The following AGBL4 variants were observed in gnomAD, a reference collection of about 807,000 sequenced individuals.
The protein encoded by AGBL4 is cytosolic carboxypeptidase 6.
Under a neutral mutation model 66.4 loss-of-function variants are expected in AGBL4, and 58 were observed. The ratio of observed to expected loss-of-function variants is 0.87; its 90% confidence interval spans 0.71 to 1.09. AGBL4 has a LOEUF of 1.09. Among genes scored for constraint, AGBL4 ranks in the 50% least tolerant of loss-of-function variants. AGBL4 has a pLI of 0.00. For synonymous variants in AGBL4, 234 were observed against 222.9 expected (o/e 1.05, Z -0.44); for missense variants, 579 against 631.0 (o/e 0.92, Z 0.88).
intron 11 of AGBL4, among the ~76,000 whole-genome samples, chr1:48,555,687 G>T (rs1425823485): frequency 6.6e-6 from 1 of 152,194 alleles, no homozygotes; most frequent in African/African-American, 2.4e-5. Flanking sequence ...TTCTCCTGTG[G>T]CCCTGGTGAA....
At chr1:49,518,316 G>A (rs1039450541) in intron 3 of AGBL4, among the ~76,000 whole-genome samples, 8 of 151,966 alleles carry the variant, frequency 5.3e-5, no homozygotes, top group African/African-American at 9.7e-5. Context: ...TCCCATGGGC[G>A]GTTTCTCCTC....
intron 2 of AGBL4, among the ~76,000 whole-genome samples, chr1:49,741,174 A>T (rs1291181333): frequency 6.6e-6 from 1 of 152,210 alleles, no homozygotes; most frequent in Non-Finnish European, 1.5e-5. Flanking sequence ...AAAGAAGAAA[A>T]GAGAGAAGAA....
chr1:49,456,341 G>C (rs1646388263), intron 3 of AGBL4, among the ~76,000 whole-genome samples: 1 of 151,662 alleles, frequency 6.6e-6, no homozygotes, highest in East Asian at 1.9e-4. Flanking sequence ...CAGGATTTTA[G>C]ACCATGAATC....
In AGBL4 at chr1:48,629,627, A is replaced by C. The variant is rs549154733; in HGVS notation, c.951+4866T>G. Among the ~76,000 whole-genome samples, 3 of 152,228 alleles carry C rather than the reference A, an allele frequency of 2.0e-5. No homozygotes were observed. In the East Asian group the frequency reaches 5.8e-4, roughly 29 times the overall value. On this transcript the variant is annotated intron_variant, in intron 9 of 13. Coordinates refer to ENST00000371839, the MANE Select transcript of AGBL4 (RefSeq NM_032785.4). ...GAACCCTTGATGGCCATAGAGAGCT[A>C]ATTTCAGTGGGGGGTAAAATGGGGT...
At chr1:48,624,541 T>C (rs1008423359) in intron 9 of AGBL4, among the ~76,000 whole-genome samples, 1 of 152,236 alleles carries the variant, frequency 6.6e-6, no homozygotes, top group Non-Finnish European at 1.5e-5. Context: ...TACCCAGCTC[T>C]GTGGGATGCC....
chr1:49,379,856 T>C (rs933785421), intron 3 of AGBL4, among the ~76,000 whole-genome samples: 6 of 152,062 alleles, frequency 3.9e-5, no homozygotes, highest in African/African-American at 1.2e-4. Context: ...TGGTTGTGTC[T>C]CTGCCCGGCT....
intron 5 of AGBL4, among the ~76,000 whole-genome samples, chr1:48,950,818 A>AT (rs755746826): frequency 5.8e-4 from 88 of 152,152 alleles, no homozygotes; most frequent in Non-Finnish European, 9.4e-4. Flanking sequence ...TGTTGCTTTT[A>AT]TATTGCTTTT....
chr1:48,743,999 G>A (rs1266396858), intron 6 of AGBL4, among the ~76,000 whole-genome samples: 1 of 152,232 alleles, frequency 6.6e-6, no homozygotes, highest in Non-Finnish European at 1.5e-5. Flanking sequence ...TGGTTGGGGA[G>A]CAGAACAGTG....
At chr1:49,148,094 T>C (rs977385621) in intron 4 of AGBL4, among the ~76,000 whole-genome samples, 12 of 152,210 alleles carry the variant, frequency 7.9e-5, no homozygotes, top group African/African-American at 2.7e-4. Context: ...TCTCTGAGCC[T>C]TGATTTCTTC....
chr1:48,710,361 A>G (rs320053), intron 6 of AGBL4, among the ~76,000 whole-genome samples: 139,292 of 152,222 alleles, frequency 0.92, 64,965 homozygotes, highest in Non-Finnish European at 1. Flanking sequence ...TAACTTTCCC[A>G]GCTGAGAAAG....
intron 4 of AGBL4, among the ~76,000 whole-genome samples, chr1:49,128,675 A>C (rs925040421): frequency 1.3e-5 from 2 of 152,094 alleles, no homozygotes; most frequent in African/African-American, 4.8e-5. Context: ...GGAAAAAATA[A>C]ACCTGGACAA....
intron 4 of AGBL4, among the ~76,000 whole-genome samples, chr1:49,241,674 C>A (rs555097418): frequency 6.6e-6 from 1 of 151,940 alleles, no homozygotes; most frequent in East Asian, 1.9e-4. Context: ...TTTAACTACT[C>A]AGTAAGCATT....
At chr1:49,296,985 T>C (rs1644655941) in intron 3 of AGBL4, among the ~76,000 whole-genome samples, 1 of 152,186 alleles carries the variant, frequency 6.6e-6, no homozygotes, top group Non-Finnish European at 1.5e-5. Flanking sequence ...TTACTGTAAG[T>C]ATCTTGGCTG....
Position 49,340,471 on chromosome 1 carries a change from A to G in AGBL4, c.283-94607T>C, listed in dbSNP as rs1281807006. 2.6e-5 allele frequency among the ~76,000 whole-genome samples: 4 copies of G among 152,324 alleles called. No homozygotes were observed. The Middle Eastern group carries it at 0.014, about 518-fold the overall frequency. On this transcript the variant is annotated intron_variant, in intron 3 of 13. Coordinates refer to ENST00000371839, the MANE Select transcript of AGBL4 (RefSeq NM_032785.4). ...AACAAGGATTAACTCTATTTCATCT[A>G]AAAACTCCATTGTACTATTTATTTT...
chr1:48,714,937 A>C (rs944585211), intron 6 of AGBL4, among the ~76,000 whole-genome samples: 1 of 152,236 alleles, frequency 6.6e-6, no homozygotes, highest in Non-Finnish European at 1.5e-5. Flanking sequence ...CCTTGCTCTT[A>C]GGAAACTTAC....
At chr1:48,657,972 T>G (rs1646047273) in intron 7 of AGBL4, among the ~76,000 whole-genome samples, 1 of 152,190 alleles carries the variant, frequency 6.6e-6, no homozygotes, top group Non-Finnish European at 1.5e-5. Context: ...GCCACTATAT[T>G]TTTAGTGCCT....
intron 3 of AGBL4, among the ~76,000 whole-genome samples, chr1:49,347,972 G>A (rs1645669446): frequency 6.6e-6 from 1 of 152,116 alleles, no homozygotes. Context: ...CTGGATCAGG[G>A]TCCCTTTCCA....
At chr1:49,269,142 T>A (rs1008623188) in intron 3 of AGBL4, 2 of 152,164 alleles carry the variant, frequency 1.3e-5, no homozygotes, top group Non-Finnish European at 2.9e-5. Context: ...TCCAACTGAA[T>A]CCATCTTAGA....
At chr1:49,361,492 T>G (rs2148536318) in intron 3 of AGBL4, among the ~76,000 whole-genome samples, 1 of 152,206 alleles carries the variant, frequency 6.6e-6, no homozygotes, top group South Asian at 2.1e-4. Context: ...GCCCATCTAA[T>G]TTTTTTGCAT....
Sources: allele counts gnomAD v4.1 joint callset (sites outside exome capture counted in the v4.1 genomes callset), GRCh38; gene constraint gnomAD v4.1.1; transcripts MANE v1.5; gene names NCBI Gene and HGNC (gene_info 2026-07-23, HGNC 2026-07-21).